The following FANCA variants were observed in gnomAD, a reference collection of about 807,000 sequenced individuals.
FANCA encodes the protein FA complementation group A, also known as Fanconi anemia group A protein.
Under a neutral mutation model 194.3 loss-of-function variants are expected in FANCA, and 236 were observed. That is an observed-to-expected ratio of 1.21 (90% CI 1.09 to 1.35). The LOEUF (loss-of-function observed/expected upper bound fraction) is 1.35. FANCA is among the 40% of genes most tolerant of loss of function. The pLI is 0.00. For synonymous variants in FANCA, 1,014 were observed against 715.8 expected (o/e 1.42, Z -6.65); for missense variants, 2,628 against 1,813.9 (o/e 1.45, Z -8.15).
At chr16:89,781,257 G>A (rs1367924038) in intron 17 of FANCA, among the ~76,000 whole-genome samples, 4 of 150,826 alleles carry the variant, frequency 2.7e-5, no homozygotes, top group African/African-American at 7.3e-5. Flanking sequence ...CCAGCTACTC[G>A]GGAGGCTGAG....
At chr16:89,800,166 C>T (rs1262596543) in intron 8 of FANCA, among the ~76,000 whole-genome samples, 1 of 152,186 alleles carries the variant, frequency 6.6e-6, no homozygotes, top group Non-Finnish European at 1.5e-5. Flanking sequence ...TAGGGCTGGG[C>T]AGGACACTTT....
intron 3 of FANCA, among the ~76,000 whole-genome samples, chr16:89,813,157 G>T (rs2040967000): frequency 6.6e-6 from 1 of 151,970 alleles, no homozygotes; most frequent in Non-Finnish European, 1.5e-5. Flanking sequence ...GCTCATGCCT[G>T]CAATCCCAAC....
At chr16:89,771,558 TG>T in intron 23 of FANCA, 119 bp downstream of exon 23, 1 of 1,189,698 alleles carries the variant, frequency 8.4e-7, no homozygotes, top group Non-Finnish European at 1.2e-6. Context: ...CTGGAACATC[TG>T]ATACGACACT....
intron 17 of FANCA, 137 bp downstream of exon 17, chr16:89,782,722 G>A (rs1043848095): frequency 1.3e-5 from 10 of 744,662 alleles, no homozygotes; most frequent in African/African-American, 5.2e-5. Flanking sequence ...GCAGAGCCTC[G>A]CCCCCAGCTG....
rs1310052097 is a variant in FANCA at position 89,764,916 on chromosome 16, C to G, written c.2752G>C (p.Glu918Gln). 3.1e-6 allele frequency: 5 copies of G among 1,614,072 alleles called. No homozygotes were observed. The highest frequency in any genetic ancestry group is 2.7e-5 in the African/African-American group (2 of 74,942). ...TGAACATCTTCCTCTTTCAACACCT[C>G]TCGGAAGGTTCTGTGTGTCCAGAGA... is the stretch of plus-strand genomic sequence containing the variant. ...LSLWTHRTFR[E>Q]VLKEEDVHLT... The change falls in exon 28 of 43, where the codon GAG (glutamate) becomes CAG (glutamine). Residue 918 changes from glutamate (E) to glutamine (Q), a missense_variant. Physicochemically the swap from Glu to Gln is conservative, Grantham distance 29. Coordinates refer to ENST00000389301, the MANE Select transcript of FANCA (RefSeq NM_000135.4).
chr16:89,813,207 G>C (rs1206268552), intron 3 of FANCA, among the ~76,000 whole-genome samples: 1 of 151,840 alleles, frequency 6.6e-6, no homozygotes, highest in East Asian at 1.9e-4. Context: ...TTGAGCTCAG[G>C]AGTTTGAGAC....
intron 39 of FANCA, chr16:89,739,778 T>A: frequency 1.4e-6 from 2 of 1,469,548 alleles, no homozygotes; most frequent in Non-Finnish European, 1.8e-6. Context: ...AGAGAGGCAG[T>A]CCCCATGATA....
At chr16:89,791,005 T>C (rs1255123077) in intron 14 of FANCA, 13 of 230,638 alleles carry the variant, frequency 5.6e-5, no homozygotes, top group Non-Finnish European at 1.0e-4. Flanking sequence ...AGTTTTTGTT[T>C]TGTGTGTGTG....
At chr16:89,794,772 G>C (rs2040187312) in intron 11 of FANCA, among the ~76,000 whole-genome samples, 1 of 152,116 alleles carries the variant, frequency 6.6e-6, no homozygotes, top group Non-Finnish European at 1.5e-5. Flanking sequence ...GGCCTTATTC[G>C]TAAGACTGAT....
chr16:89,796,296 GAGC>G (rs2040244195), intron 10 of FANCA, among the ~76,000 whole-genome samples: 1 of 152,300 alleles, frequency 6.6e-6, no homozygotes, highest in Admixed American at 6.5e-5. Flanking sequence ...CCCGGGAGTG[GAGC>G]AGAAGGAAAC....
intron 26 of FANCA, among the ~76,000 whole-genome samples, chr16:89,767,908 A>T (rs2039187410): frequency 6.6e-6 from 1 of 152,196 alleles, no homozygotes; most frequent in Middle Eastern, 3.4e-3. Context: ...CTGGTCTCGA[A>T]CTGCTGACCT....
chr16:89,799,701 T>C, intron 8 of FANCA, 63 bp from the exon 9 acceptor site: 2 of 1,329,810 alleles, frequency 1.5e-6, no homozygotes, highest in Admixed American at 1.7e-5. Flanking sequence ...GATACCTGCA[T>C]CACACAAGAG....
At chr16:89,785,804 A>G (rs2039874069) in intron 14 of FANCA, among the ~76,000 whole-genome samples, 1 of 151,288 alleles carries the variant, frequency 6.6e-6, no homozygotes. Flanking sequence ...CTGAACTCCA[A>G]CGTGAACTGA....
Position 89,738,348 on chromosome 16 carries a change from G to C in FANCA, c.*253C>G. The C allele has an allele frequency of 6.8e-7, 1 of 1,479,868 alleles. No homozygotes were observed. The highest frequency in any genetic ancestry group is 9.0e-7 in the Non-Finnish European group (1 of 1,111,600). 91.7% of individuals were successfully genotyped at this position (1,479,868 alleles called of 1,614,324 possible). A position where few individuals can be genotyped will look rare whatever the true frequency, so the allele number is the denominator to read the frequency against. ...CCGCATGGGAGGGTCGGAGGGTGCT[G>C]CCCGCCCTTGGTGCTGGAGGCGGGC... On this transcript the variant is annotated 3_prime_UTR_variant, in exon 43 of 43. Coordinates refer to ENST00000389301, the MANE Select transcript of FANCA (RefSeq NM_000135.4).
At chr16:89,739,065 T>C in intron 41 of FANCA, 68 bp downstream of exon 41, 3 of 1,613,986 alleles carry the variant, frequency 1.9e-6, no homozygotes, top group Non-Finnish European at 2.5e-6. Context: ...TGCCGGAACA[T>C]TCTTTGGCAG....
chr16:89,770,694 G>A, intron 23 of FANCA, 60 bp from the exon 24 acceptor site: 1 of 1,407,784 alleles, frequency 7.1e-7, no homozygotes, highest in South Asian at 1.2e-5. Flanking sequence ...CAGGAAGGAA[G>A]CCGGCCAGCG....
chr16:89,778,420 T>A, intron 20 of FANCA: 3 of 336,968 alleles, frequency 8.9e-6, no homozygotes, highest in Non-Finnish European at 5.5e-6. Context: ...GAGCCAAGAT[T>A]GTGCAATTGC....
chr16:89,761,965 G>C lies in FANCA; in HGVS notation c.2836C>G (p.Leu946Val). 1.2e-6 allele frequency: 2 copies of C among 1,614,002 alleles called. No individual in the cohort carries two copies. The highest frequency in any genetic ancestry group is 1.3e-5 in the African/African-American group (1 of 75,038). ...AACACTTACCGTTCAGTATCTGAAA[G>C]AGCATCAGCTTCAGGTTGAATTTCC... is the stretch of plus-strand genomic sequence containing the variant. ...ELEIQPEADALSDTERQDFHQ... is the reference protein window; with the variant it reads ...ELEIQPEADAVSDTERQDFHQ... Residue 946 changes from leucine (L) to valine (V), a missense_variant, in exon 29 of 43, where the codon CTT (leucine) becomes GTT (valine). Leu to Val is a conservative substitution (Grantham distance 32). Coordinates refer to ENST00000389301, the MANE Select transcript of FANCA (RefSeq NM_000135.4).
chr16:89,800,977 G>C (rs1394928480), intron 8 of FANCA, among the ~76,000 whole-genome samples: 2 of 144,234 alleles, frequency 1.4e-5, no homozygotes, highest in East Asian at 4.1e-4. Context: ...AGCTTGCAGT[G>C]AACCAAGATG....
Sources: gnomAD v4.1 joint callset for allele counts (sites outside exome capture counted in the v4.1 genomes callset) on GRCh38, gnomAD v4.1.1 for gene constraint, MANE v1.5 for transcripts, NCBI Gene and HGNC (gene_info 2026-07-23, HGNC 2026-07-21) for gene names.